The following SGCZ variants were observed in gnomAD, a reference collection of about 807,000 sequenced individuals.
SGCZ encodes sarcoglycan zeta.
SGCZ carries 40 observed loss-of-function variants against 41.3 expected under a neutral mutation model. That is an observed-to-expected ratio of 0.97 (90% CI 0.75 to 1.26). The LOEUF (loss-of-function observed/expected upper bound fraction) is 1.26. Ranked by LOEUF, SGCZ falls within the 50% of genes most tolerant of loss-of-function variation. The pLI is 0.00. For synonymous variants in SGCZ, 206 were observed against 137.5 expected (o/e 1.50, Z -3.49); for missense variants, 552 against 369.8 (o/e 1.49, Z -4.04).
At chr8:14,821,332 C>A (rs551676183) in intron 1 of SGCZ, among the ~76,000 whole-genome samples, 1 of 151,930 alleles carries the variant, frequency 6.6e-6, no homozygotes, top group Non-Finnish European at 1.5e-5. Context: ...AATAAAAATT[C>A]TCTCATCAAA....
In SGCZ at chr8:14,790,176, T is replaced by C. The variant is rs555301020; in HGVS notation, c.40-235250A>G. 1.8e-4 allele frequency among the ~76,000 whole-genome samples: 27 copies of C among 152,322 alleles called. 1 individual carries two copies. The South Asian group carries it at 4.4e-3, about 25-fold the overall frequency. On this transcript the variant is annotated intron_variant, in intron 1 of 7. Coordinates refer to ENST00000382080, the MANE Select transcript of SGCZ (RefSeq NM_139167.4). Reference sequence around the variant, plus strand: ...TGAAAGACGACTTTCTGAGGGCCAGTGCTTTCAAAGTGGTTTCAAGTCTGT... The same window carrying C: ...TGAAAGACGACTTTCTGAGGGCCAGCGCTTTCAAAGTGGTTTCAAGTCTGT...
At chr8:14,623,222 A>T (rs1369330129) in intron 1 of SGCZ, among the ~76,000 whole-genome samples, 1 of 152,234 alleles carries the variant, frequency 6.6e-6, no homozygotes, top group Non-Finnish European at 1.5e-5. Context: ...AATGCAAAGA[A>T]AAGTTAGAAA....
At chr8:14,165,655 G>T (rs1332306350) in intron 4 of SGCZ, among the ~76,000 whole-genome samples, 1 of 152,042 alleles carries the variant, frequency 6.6e-6, no homozygotes, top group Admixed American at 6.6e-5. Context: ...TATATTAAAA[G>T]CTCTTATCAG....
At chr8:14,399,154 G>A (rs1330597680) in intron 2 of SGCZ, among the ~76,000 whole-genome samples, 2 of 152,216 alleles carry the variant, frequency 1.3e-5, no homozygotes, top group Non-Finnish European at 2.9e-5. Context: ...AGGCATTTCA[G>A]AATTTAAAAT....
intron 5 of SGCZ, among the ~76,000 whole-genome samples, chr8:14,160,715 C>T (rs1804018702): frequency 6.6e-6 from 1 of 152,056 alleles, no homozygotes; most frequent in Non-Finnish European, 1.5e-5. Context: ...ATGTGTTTAC[C>T]ATTTTACTTC....
chr8:14,106,268 C>CAATA (rs1802199942), intron 6 of SGCZ, among the ~76,000 whole-genome samples: 1 of 152,030 alleles, frequency 6.6e-6, no homozygotes, highest in Non-Finnish European at 1.5e-5. Flanking sequence ...AAGAAAGATA[C>CAATA]AATAAATATT....
chr8:15,189,004 A>G (rs1800441559), intron 1 of SGCZ, among the ~76,000 whole-genome samples: 1 of 152,180 alleles, frequency 6.6e-6, no homozygotes, highest in South Asian at 2.1e-4. Flanking sequence ...AAAAATAGAT[A>G]TGCTCACAGA....
At chr8:15,093,734 T>G (rs17120908) in intron 1 of SGCZ, among the ~76,000 whole-genome samples, 15,821 of 152,234 alleles carry the variant, frequency 0.1, 975 homozygotes, top group Middle Eastern at 0.23. Context: ...GGTTAATTGA[T>G]TTATGACGAT....
At chr8:14,471,729 C>T (rs761823806) in intron 2 of SGCZ, among the ~76,000 whole-genome samples, 6 of 151,842 alleles carry the variant, frequency 4.0e-5, no homozygotes, top group Admixed American at 6.6e-5. Flanking sequence ...TAATAATTTC[C>T]GTGCCCATTT....
chr8:14,535,814 G>A (rs56161219), intron 2 of SGCZ, among the ~76,000 whole-genome samples: 11,763 of 151,714 alleles, frequency 0.078, 605 homozygotes, highest in Middle Eastern at 0.14. Flanking sequence ...AGAGATAACT[G>A]TATTTTAATT....
intron 1 of SGCZ, among the ~76,000 whole-genome samples, chr8:14,783,492 G>A (rs574338642): frequency 6.6e-6 from 1 of 151,150 alleles, no homozygotes; most frequent in East Asian, 1.9e-4. Flanking sequence ...TAGCACAGAA[G>A]AAAAACAAAA....
At chr8:14,374,377 GTAGA>G (rs1381589447) in intron 2 of SGCZ, among the ~76,000 whole-genome samples, 3 of 152,104 alleles carry the variant, frequency 2.0e-5, no homozygotes, top group Non-Finnish European at 4.4e-5. Context: ...TGGTACATAG[GTAGA>G]TAGTTTTTTA....
chr8:14,888,306 C>G (rs1237554773), intron 1 of SGCZ, among the ~76,000 whole-genome samples: 1 of 152,104 alleles, frequency 6.6e-6, no homozygotes, highest in East Asian at 1.9e-4. Context: ...TAAAGATATT[C>G]TGTTGCCAAC....
intron 2 of SGCZ, among the ~76,000 whole-genome samples, chr8:14,391,138 AG>A (rs1222980423): frequency 1.3e-5 from 2 of 152,140 alleles, no homozygotes; most frequent in East Asian, 3.9e-4. Flanking sequence ...TTAAGGCTCT[AG>A]GGGTGATCTG....
chr8:15,051,251 G>T (rs1480422181), intron 1 of SGCZ, among the ~76,000 whole-genome samples: 1 of 152,168 alleles, frequency 6.6e-6, no homozygotes, highest in African/African-American at 2.4e-5. Flanking sequence ...GAAAGGACAT[G>T]GGGAGGAGGC....
chr8:15,001,209 G>C (rs1182416687), intron 1 of SGCZ, among the ~76,000 whole-genome samples: 1 of 152,182 alleles, frequency 6.6e-6, no homozygotes, highest in South Asian at 2.1e-4. Flanking sequence ...ACGAGAGAGA[G>C]AGAGACTGCT....
At chr8:14,390,971 T>G (rs574158494) in intron 2 of SGCZ, among the ~76,000 whole-genome samples, 69 of 152,178 alleles carry the variant, frequency 4.5e-4, no homozygotes, top group African/African-American at 1.6e-3. Context: ...TGGGGGGATA[T>G]CCAATGAAAA....
intron 1 of SGCZ, among the ~76,000 whole-genome samples, chr8:14,743,401 C>T (rs1228386417): frequency 6.6e-6 from 1 of 151,950 alleles, no homozygotes; most frequent in Admixed American, 6.6e-5. Context: ...TATTAAATCA[C>T]TAATGGAATA....
At chr8:14,875,941 C>A (rs751054613) in intron 1 of SGCZ, among the ~76,000 whole-genome samples, 1 of 152,146 alleles carries the variant, frequency 6.6e-6, no homozygotes, top group Non-Finnish European at 1.5e-5. Flanking sequence ...GAGTAATAAA[C>A]TCTCTCATTC....
Sources: gnomAD v4.1 joint callset for allele counts (sites outside exome capture counted in the v4.1 genomes callset) on GRCh38, gnomAD v4.1.1 for gene constraint, MANE v1.5 for transcripts, NCBI Gene and HGNC (gene_info 2026-07-23, HGNC 2026-07-21) for gene names.